The following RAD54L2 variants were observed in gnomAD, a reference collection of about 807,000 sequenced individuals.
The protein encoded by RAD54L2 is helicase ARIP4.
In RAD54L2, 27 loss-of-function variants were observed where a neutral mutation model predicts 138.4. That is an observed-to-expected ratio of 0.20 (90% confidence interval 0.14 to 0.27). The LOEUF (loss-of-function observed/expected upper bound fraction) is 0.27. Ranked by LOEUF, RAD54L2 falls within the 10% of genes least tolerant of loss-of-function variation. The probability of loss-of-function intolerance (pLI) is 1.00; values close to 1 mark genes in which losing one functional copy is unlikely to be tolerated. For missense variants in RAD54L2, 1,396 were observed against 1,890.2 expected (o/e 0.74, Z 4.85); for synonymous variants, 644 against 723.2 (o/e 0.89, Z 1.76).
At chr3:51,545,127 G>A (rs1345158828) in intron 2 of RAD54L2, among the ~76,000 whole-genome samples, 2 of 152,190 alleles carry the variant, frequency 1.3e-5, no homozygotes, top group African/African-American at 4.8e-5. Context: ...TATGTTCTGA[G>A]TTATTTACCT....
intron 3 of RAD54L2, among the ~76,000 whole-genome samples, chr3:51,593,544 GA>G (rs778691412): frequency 2.4e-4 from 36 of 152,050 alleles, no homozygotes; most frequent in Non-Finnish European, 5.0e-4. Context: ...GTGTTAGCCA[GA>G]ATGGTCTTGA....
chr3:51,559,284 C>T (rs1399709086), intron 2 of RAD54L2, among the ~76,000 whole-genome samples: 1 of 152,340 alleles, frequency 6.6e-6, no homozygotes, highest in East Asian at 1.9e-4. Context: ...TACTCTCCAG[C>T]TTCCTAACCT....
At chr3:51,559,126 C>G (rs1159082929) in intron 2 of RAD54L2, among the ~76,000 whole-genome samples, 1 of 152,066 alleles carries the variant, frequency 6.6e-6, no homozygotes, top group Admixed American at 6.6e-5. Context: ...CCACCATCCT[C>G]GGCCTCCCAA....
At chr3:51,574,499 C>T (rs1252072618) in intron 2 of RAD54L2, among the ~76,000 whole-genome samples, 2 of 152,190 alleles carry the variant, frequency 1.3e-5, no homozygotes, top group African/African-American at 4.8e-5. Flanking sequence ...ACATCCTCTC[C>T]AGCACCTGTT....
intron 2 of RAD54L2, among the ~76,000 whole-genome samples, chr3:51,577,459 A>C (rs1218883124): frequency 6.6e-6 from 1 of 152,110 alleles, no homozygotes; most frequent in Non-Finnish European, 1.5e-5. Flanking sequence ...AAAATCTCCC[A>C]TTATTATTGT....
intron 12 of RAD54L2, chr3:51,639,145 G>A: frequency 2.2e-6 from 1 of 462,056 alleles, no homozygotes; most frequent in Non-Finnish European, 3.9e-6. Context: ...ATGTCAAAAA[G>A]GCTTGTGACA....
At chr3:51,559,415 T>C (rs1699049637) in intron 2 of RAD54L2, among the ~76,000 whole-genome samples, 1 of 152,224 alleles carries the variant, frequency 6.6e-6, no homozygotes, top group Non-Finnish European at 1.5e-5. Flanking sequence ...TTAAATTTAG[T>C]AAGTTTGGTG....
intron 10 of RAD54L2, among the ~76,000 whole-genome samples, chr3:51,636,158 A>C (rs1174960469): frequency 6.6e-6 from 1 of 152,230 alleles, no homozygotes; most frequent in Admixed American, 6.5e-5. Flanking sequence ...ATATAAAGAC[A>C]AAGTAGTAAT....
At chr3:51,622,542 C>G (rs1438462021) in intron 3 of RAD54L2, among the ~76,000 whole-genome samples, 2 of 152,198 alleles carry the variant, frequency 1.3e-5, no homozygotes, top group Non-Finnish European at 2.9e-5. Context: ...AACCGTCTCT[C>G]AGTTGAGGGC....
At position 51,641,763 on chromosome 3, in the gene RAD54L2, C is replaced by G; in HGVS notation, c.2246C>G (p.Thr749Ser). ...KILVFSQSLS[T>S]LALIEEFLGK... ...TTCTGTTTCAGCCAGAGTCTTTCCA[C>G]CTTGGCTCTCATCGAGGAATTCCTT... Residue 749 changes from threonine (T) to serine (S), a missense_variant, in exon 15 of 23, where the codon ACC (threonine) becomes AGC (serine). Thr to Ser is a moderately conservative substitution (Grantham distance 58, BLOSUM62 1). Transcript: ENST00000684192. 1 of 1,588,692 alleles carries G rather than the reference C, an allele frequency of 6.3e-7. No individual in the cohort carries two copies.
chr3:51,599,997 C>T (rs777298082), intron 3 of RAD54L2, among the ~76,000 whole-genome samples: 8 of 151,692 alleles, frequency 5.3e-5, no homozygotes, highest in South Asian at 2.1e-4. Context: ...GGCGTGATCT[C>T]GGATCACTGC....
intron 2 of RAD54L2, among the ~76,000 whole-genome samples, chr3:51,552,404 A>T (rs1308014987): frequency 6.6e-6 from 1 of 151,722 alleles, no homozygotes; most frequent in African/African-American, 2.4e-5. Flanking sequence ...GTGGGACTAC[A>T]GGCACCCGCC....
At chr3:51,538,951 G>C (rs1237024187) in intron 1 of RAD54L2, among the ~76,000 whole-genome samples, 36 bp downstream of exon 1, 3 of 152,186 alleles carry the variant, frequency 2.0e-5, no homozygotes, top group African/African-American at 7.2e-5. Flanking sequence ...CTCCCGGCCG[G>C]GGCCGCCGGG....
At chr3:51,641,686 C>A in intron 14 of RAD54L2, 63 bp from the exon 15 acceptor site, 1 of 1,089,996 alleles carries the variant, frequency 9.2e-7, no homozygotes, top group Non-Finnish European at 1.4e-6. Flanking sequence ...AGAGTATGGA[C>A]CTATTGGGAA....
chr3:51,540,118 C>T (rs1359584334), intron 1 of RAD54L2, among the ~76,000 whole-genome samples: 1 of 152,134 alleles, frequency 6.6e-6, no homozygotes, highest in East Asian at 1.9e-4. Flanking sequence ...CATGTAAGTT[C>T]CAGGCGTTTT....
intron 2 of RAD54L2, among the ~76,000 whole-genome samples, chr3:51,543,175 GA>G (rs1165373006): frequency 3.8e-4 from 54 of 143,636 alleles, no homozygotes; most frequent in South Asian, 4.4e-4. Context: ...AATAAGACAG[GA>G]AAAAAAAAAA....
At chr3:51,574,342 A>G (rs1244366679) in intron 2 of RAD54L2, among the ~76,000 whole-genome samples, 1 of 152,180 alleles carries the variant, frequency 6.6e-6, no homozygotes, top group Admixed American at 6.5e-5. Context: ...ATGATTTATA[A>G]TCCTTTGGGT....
At chr3:51,539,258 G>C (rs1288296470) in intron 1 of RAD54L2, among the ~76,000 whole-genome samples, 2 of 152,206 alleles carry the variant, frequency 1.3e-5, no homozygotes, top group African/African-American at 4.8e-5. Flanking sequence ...CCAGAGCGCG[G>C]TGTGGGGTTG....
At chr3:51,540,756 A>C (rs533865885) in intron 1 of RAD54L2, among the ~76,000 whole-genome samples, 11 of 152,304 alleles carry the variant, frequency 7.2e-5, no homozygotes, top group Non-Finnish European at 1.6e-4. Flanking sequence ...CTTCAATGGT[A>C]TTCTTTCTTT....
Sources: gnomAD v4.1 joint callset for allele counts (sites outside exome capture counted in the v4.1 genomes callset) on GRCh38, gnomAD v4.1.1 for gene constraint, MANE v1.5 for transcripts, NCBI Gene and HGNC (gene_info 2026-07-23, HGNC 2026-07-21) for gene names.